SHISA9: variants seen among roughly 807,000 people sequenced by gnomAD.
The protein encoded by SHISA9 is protein shisa-9.
SHISA9 carries 13 observed loss-of-function variants against 38.0 expected under a neutral mutation model. The ratio of observed to expected loss-of-function variants is 0.34; its 90% CI spans 0.22 to 0.54. The LOEUF (loss-of-function observed/expected upper bound fraction) is 0.54. Ranked by LOEUF, SHISA9 falls within the 20% of genes least tolerant of loss-of-function variation. The pLI is 0.91. For missense variants in SHISA9, 538 were observed against 575.8 expected (o/e 0.93, Z 0.67); for synonymous variants, 275 against 242.0 (o/e 1.14, Z -1.27).
At chr16:13,072,979 C>T (rs141491819) in intron 2 of SHISA9, among the ~76,000 whole-genome samples, 1 of 152,126 alleles carries the variant, frequency 6.6e-6, no homozygotes, top group South Asian at 2.1e-4. Flanking sequence ...TGTTTTGAGA[C>T]AAGGTCTTGC....
rs2051381953 is a variant in SHISA9, at chr16:13,236,163, A to T, written c.*754A>T. The T allele has an allele frequency of 6.6e-6, 1 of 152,024 alleles. No homozygotes were observed. The highest frequency in any genetic ancestry group is 1.5e-5 in the Non-Finnish European group (1 of 68,046). The allele number at this position is 152,024 out of a possible 1,614,324, so 9.4% of individuals were successfully genotyped here. ...CAAAAAACAAAAAACATTTTAGAGA[A>T]CTCCCATAAGGACCATGACCGTGGA... On this transcript the variant is annotated 3_prime_UTR_variant, in exon 5 of 5. Transcript: ENST00000558583.
intron 2 of SHISA9, among the ~76,000 whole-genome samples, chr16:12,949,916 G>A (rs2071733343): frequency 6.6e-6 from 1 of 152,000 alleles, no homozygotes; most frequent in African/African-American, 2.4e-5. Context: ...GTAATAAATT[G>A]TTATTAATTA....
chr16:13,191,491 G>T (rs762760406), intron 2 of SHISA9, among the ~76,000 whole-genome samples: 2 of 152,216 alleles, frequency 1.3e-5, no homozygotes, highest in Non-Finnish European at 2.9e-5. Context: ...CTATGTTTCA[G>T]TGCGTTGCTA....
chr16:13,347,595 T>C, the SHISA9 span, among the ~76,000 whole-genome samples: 2,863 of 152,192 alleles, frequency 0.019, 91 homozygotes, highest in African/African-American at 0.065. Flanking sequence ...AAGAAAAAAA[T>C]ACTAAAGTGA....
chr16:13,541,922 C>G, the SHISA9 span, among the ~76,000 whole-genome samples: 47 of 152,284 alleles, frequency 3.1e-4, no homozygotes, highest in African/African-American at 1.1e-3. Flanking sequence ...AAATTCATGT[C>G]CAGCCAAGAC....
intron 2 of SHISA9, among the ~76,000 whole-genome samples, chr16:13,055,975 T>C (rs16961064): frequency 0.04 from 6,052 of 152,248 alleles, 204 homozygotes; most frequent in East Asian, 0.14. Context: ...GTCACACATG[T>C]GGTTTTCATG....
the SHISA9 span, among the ~76,000 whole-genome samples, chr16:13,330,848 T>C: frequency 2.0e-5 from 3 of 152,136 alleles, no homozygotes; most frequent in Non-Finnish European, 4.4e-5. Context: ...GGGAATGATA[T>C]CTAGCCCATA....
intron 1 of SHISA9, among the ~76,000 whole-genome samples, chr16:12,915,898 G>A (rs1173136195): frequency 6.6e-6 from 1 of 151,480 alleles, no homozygotes; most frequent in Non-Finnish European, 1.5e-5. Flanking sequence ...ATGATGGAGT[G>A]TAAAGAGAAA....
chr16:13,409,397 C>A, the SHISA9 span, among the ~76,000 whole-genome samples: 21 of 152,360 alleles, frequency 1.4e-4, no homozygotes, highest in Non-Finnish European at 2.8e-4. Flanking sequence ...GGAGGGTCCA[C>A]TGAGCTGGTT....
intron 2 of SHISA9, among the ~76,000 whole-genome samples, chr16:13,025,592 G>A (rs1418185006): frequency 2.0e-5 from 3 of 152,142 alleles, no homozygotes; most frequent in Non-Finnish European, 4.4e-5. Flanking sequence ...CTAATATTGA[G>A]CCAGGGGTGG....
chr16:12,956,755 A>G (rs1244213676), intron 2 of SHISA9, among the ~76,000 whole-genome samples: 1 of 152,168 alleles, frequency 6.6e-6, no homozygotes, highest in Non-Finnish European at 1.5e-5. Context: ...TGAGCTTTGA[A>G]AAATTACCTA....
At chr16:13,320,175 C>T in the SHISA9 span, among the ~76,000 whole-genome samples, 2 of 151,220 alleles carry the variant, frequency 1.3e-5, no homozygotes, top group South Asian at 4.2e-4. Flanking sequence ...CCTGTAGTCC[C>T]AGCTACTCAG....
chr16:13,414,321 A>C, the SHISA9 span, among the ~76,000 whole-genome samples: 1 of 152,202 alleles, frequency 6.6e-6, no homozygotes, highest in African/African-American at 2.4e-5. Flanking sequence ...TCAAACCACA[A>C]AAATTACTAC....
At chr16:13,389,739 A>C in the SHISA9 span, among the ~76,000 whole-genome samples, 5 of 152,224 alleles carry the variant, frequency 3.3e-5, no homozygotes, top group Non-Finnish European at 7.3e-5. Flanking sequence ...AGGTCTCTAA[A>C]GTCCCAAAAC....
intron 2 of SHISA9, among the ~76,000 whole-genome samples, chr16:13,064,696 C>T (rs982054444): frequency 9.4e-5 from 14 of 149,392 alleles, no homozygotes; most frequent in African/African-American, 3.5e-4. Context: ...TAAAAGAAAA[C>T]TTCAAATTTT....
At chr16:12,951,204 G>A (rs1479134883) in intron 2 of SHISA9, among the ~76,000 whole-genome samples, 1 of 100,246 alleles carries the variant, frequency 1.0e-5, no homozygotes. Flanking sequence ...CTGGGTGACA[G>A]AGCAAGACTC....
intron 4 of SHISA9, among the ~76,000 whole-genome samples, chr16:13,226,839 T>C (rs970977349): frequency 4.6e-5 from 7 of 152,160 alleles, no homozygotes; most frequent in Non-Finnish European, 7.4e-5. Flanking sequence ...GTCTAGGGGA[T>C]CCCTTCTTCA....
chr16:12,966,628 G>T (rs1348988447), intron 2 of SHISA9, among the ~76,000 whole-genome samples: 7 of 152,142 alleles, frequency 4.6e-5, no homozygotes, highest in Admixed American at 4.6e-4. Flanking sequence ...GGAAGCCAAG[G>T]TACAAAATAT....
chr16:13,219,225 C>T (rs1226525094), intron 4 of SHISA9, among the ~76,000 whole-genome samples: 8 of 152,206 alleles, frequency 5.3e-5, no homozygotes, highest in Admixed American at 3.9e-4. Flanking sequence ...TGTGTCCTTC[C>T]GAGGCTAACC....
Sources: gnomAD v4.1 joint callset for allele counts (sites outside exome capture counted in the v4.1 genomes callset) on GRCh38, gnomAD v4.1.1 for gene constraint, MANE v1.5 for transcripts, NCBI Gene and HGNC (gene_info 2026-07-23, HGNC 2026-07-21) for gene names.